The following UPF2 variants were observed in gnomAD, a reference collection of about 807,000 sequenced individuals.
UPF2 encodes UPF2 regulator of nonsense mediated mRNA decay.
A neutral mutation model predicts 141.4 loss-of-function variants in UPF2; 17 were observed. That is an observed-to-expected ratio of 0.12 (90% CI 0.08 to 0.18). UPF2 has a LOEUF of 0.18. Ranked by LOEUF, UPF2 falls within the 10% of genes least tolerant of loss-of-function variation. The pLI, the probability that UPF2 is intolerant of heterozygous loss-of-function variation, is 1.00. For synonymous variants in UPF2, 540 were observed against 498.0 expected, an observed-to-expected ratio of 1.08 and a Z score of -1.12; for missense variants, 1,152 against 1,515.9, an observed-to-expected ratio of 0.76 and a Z score of 3.99.
At chr10:11,928,294 G>A (rs931784448) in intron 21 of UPF2, among the ~76,000 whole-genome samples, 4 of 151,998 alleles carry the variant, frequency 2.6e-5, no homozygotes, top group Non-Finnish European at 5.9e-5. Context: ...CCAAGATCAC[G>A]CTGCTGCACT....
At chr10:12,006,626 G>A (rs1475106962) in intron 4 of UPF2, among the ~76,000 whole-genome samples, 1 of 152,106 alleles carries the variant, frequency 6.6e-6, no homozygotes, top group African/African-American at 2.4e-5. Context: ...TACAACTTCT[G>A]TTTAATGAAA....
chr10:11,946,308 T>C (rs775677214), intron 16 of UPF2, among the ~76,000 whole-genome samples: 1 of 152,352 alleles, frequency 6.6e-6, no homozygotes, highest in Non-Finnish European at 1.5e-5. Context: ...CATCTGACCG[T>C]AGAAAACTTT....
chr10:12,004,186 A>G (rs542813189), intron 5 of UPF2, among the ~76,000 whole-genome samples: 38 of 152,290 alleles, frequency 2.5e-4, no homozygotes, highest in African/African-American at 8.9e-4. Context: ...AGGGCAGTAC[A>G]GGTAATGAGC....
intron 10 of UPF2, 114 bp from the exon 11 acceptor site, chr10:11,964,239 G>T (rs1833283880): frequency 1.6e-6 from 1 of 635,822 alleles, no homozygotes; most frequent in Middle Eastern, 3.3e-4. Flanking sequence ...AAACAGAAGT[G>T]AGTCTACTTG....
rs371708708 is a variant in UPF2, at chr10:11,959,160, A to G, written c.2370+11T>C. On this transcript the variant is annotated intron_variant, in intron 12 of 21. Transcript: ENST00000357604. The surrounding 1 kb of genome is among the most constrained non-coding windows in gnomAD (Gnocchi z 5.9). ...CGTTAACTATTAACTGCATGATTTC[A>G]TAAGATTTACCTTCTCGGTGGTAAC... 42 of 1,566,310 alleles carry G rather than the reference A, an allele frequency of 2.7e-5. No homozygotes were observed. In the East Asian group the frequency reaches 4.5e-4, roughly 17 times the overall value.
chr10:12,013,108 G>C (rs1018338717), intron 4 of UPF2, among the ~76,000 whole-genome samples: 2 of 148,714 alleles, frequency 1.3e-5, no homozygotes, highest in Non-Finnish European at 3.0e-5. Context: ...CTGAGCGACA[G>C]AGCAAGACTC....
Position 11,975,242 on chromosome 10 carries a change from C to CAA in UPF2, c.1953+3814_1953+3815insTT, listed in dbSNP as rs1421833274. The stretch of plus-strand genomic sequence containing the variant: ...TGCCACTGCACTCCACCTTGGGTGA[C>CAA]AGAGTAAGATACCATCTCTTAAAAC... On this transcript the variant is annotated intron_variant, in intron 9 of 21. Transcript: ENST00000357604. Among the ~76,000 whole-genome samples, 2 of 152,100 alleles carry CAA rather than the reference C, an allele frequency of 1.3e-5. 1 individual carries two copies. Among genetic ancestry groups the CAA allele is most frequent in the Non-Finnish European group, 2.9e-5 (2 of 68,018 alleles).
At chr10:11,938,853 G>GTTTTTTTGT (rs1832890068) in intron 18 of UPF2, among the ~76,000 whole-genome samples, 1 of 79,816 alleles carries the variant, frequency 1.3e-5, no homozygotes, top group African/African-American at 5.0e-5. Flanking sequence ...TTTTTTTTTT[G>GTTTTTTTGT]TTTTTTTTTT....
intron 19 of UPF2, among the ~76,000 whole-genome samples, chr10:11,934,735 AC>A (rs2131157545): frequency 6.6e-6 from 1 of 152,212 alleles, no homozygotes; most frequent in African/African-American, 2.4e-5. Flanking sequence ...GATTACAGGC[AC>A]ACGCCACCAA....
chr10:11,938,853 G>T (rs140447717), intron 18 of UPF2, among the ~76,000 whole-genome samples: 12,864 of 77,632 alleles, frequency 0.17, 435 homozygotes, highest in Middle Eastern at 0.19. Flanking sequence ...TTTTTTTTTT[G>T]TTTTTTTTTT....
chr10:11,993,880 T>C (rs1347827538), intron 8 of UPF2, among the ~76,000 whole-genome samples: 1 of 152,108 alleles, frequency 6.6e-6, no homozygotes, highest in Non-Finnish European at 1.5e-5. Context: ...TCCCGGCTAC[T>C]TGCGAGGCTA....
rs181166120 is a variant in UPF2 at position 11,987,326 on chromosome 10, A to C, written c.1845-8161T>G. Among the ~76,000 whole-genome samples the C allele has an allele frequency of 3.5e-3, 533 of 152,354 alleles. 1 individual carries two copies. The highest frequency in any genetic ancestry group is 0.012 in the African/African-American group (510 of 41,580). On this transcript the variant is annotated intron_variant, in intron 8 of 21. Transcript: ENST00000357604. ...CATGGACCCTTGCACTTAAACTTTAAAAGTTGAAGACAAAAAAAGATATAA... is the reference window on the plus strand; with the variant it reads ...CATGGACCCTTGCACTTAAACTTTACAAGTTGAAGACAAAAAAAGATATAA...
chr10:11,954,643 AAT>A (rs1554775869), intron 14 of UPF2, among the ~76,000 whole-genome samples: 48 of 128,330 alleles, frequency 3.7e-4, no homozygotes, highest in East Asian at 8.5e-4. Context: ...CAAAAAAAAA[AAT>A]ATATATATAT....
In UPF2 at chr10:12,035,101, T is replaced by C; in HGVS notation, c.323A>G (p.Gln108Arg). Residue 108 changes from glutamine to arginine, a missense_variant, in exon 2 of 22, where the codon CAG becomes CGG. Around this residue, in one of 4 missense-constraint regions of UPF2, gnomAD observed 145 missense variants for 136.5 expected, o/e 1.06. Transcript: ENST00000357604. ...TTCTTCTTCTTGCTGACGTTTGGCC[T>C]GCTCTTCTTGCTTCTTTCTCTCTTC... The part of the protein sequence containing the change: ...QEEERKKQEE[Q>R]AKRQQEEEAA... 6.3e-7 allele frequency: 1 copy of C among 1,585,498 alleles called. No individual in the cohort carries two copies.
At position 11,940,566 on chromosome 10, in the gene UPF2, G is replaced by A. The variant is rs1311302234; in HGVS notation, c.3378+2099C>T. ...TTGGTCCCTTGTTTCCTGTCCCAGAGATTAGCCAGTGGCCCAATCTGGAAA... is the reference window on the plus strand; with the variant it reads ...TTGGTCCCTTGTTTCCTGTCCCAGAAATTAGCCAGTGGCCCAATCTGGAAA... On this transcript the variant is annotated intron_variant, in intron 18 of 21. Transcript: ENST00000357604. The surrounding 1 kb of genome is among the most constrained non-coding windows in gnomAD (Gnocchi z 4.2). Among the ~76,000 whole-genome samples the A allele has an allele frequency of 6.6e-6, 1 of 151,640 alleles. No individual in the cohort carries two copies. The highest frequency in any genetic ancestry group is 1.5e-5 in the Non-Finnish European group (1 of 68,040).
At chr10:12,022,317 CAGG>C (rs957038492) in intron 3 of UPF2, among the ~76,000 whole-genome samples, 2 of 150,980 alleles carry the variant, frequency 1.3e-5, no homozygotes, top group African/African-American at 4.9e-5. Flanking sequence ...GAGGCTGAGG[CAGG>C]AGAATTGCTT....
In UPF2 at chr10:12,014,892, G is replaced by A. The variant is rs1272890201; in HGVS notation, c.1146-708C>T. Among the ~76,000 whole-genome samples, 1 of 152,174 alleles carries A rather than the reference G, an allele frequency of 6.6e-6. No individual in the cohort carries two copies. The highest frequency in any genetic ancestry group is 1.5e-5 in the Non-Finnish European group (1 of 68,032). Reference sequence around the variant, plus strand: ...GTTATTTATCCAGGTAACAAATACTGAGAAGTCCACTCACTCAGGCCAGCC... The same window carrying A: ...GTTATTTATCCAGGTAACAAATACTAAGAAGTCCACTCACTCAGGCCAGCC... On this transcript the variant is annotated intron_variant, in intron 3 of 21. Coordinates refer to ENST00000357604, the MANE Select transcript of UPF2 (RefSeq NM_015542.4). This position sits in a 1 kb window ranked among gnomAD's most constrained non-coding sequence, Gnocchi z 5.0.
intron 4 of UPF2, among the ~76,000 whole-genome samples, chr10:12,008,760 T>C (rs1834080328): frequency 6.6e-6 from 1 of 151,604 alleles, no homozygotes; most frequent in African/African-American, 2.4e-5. Flanking sequence ...TGTTCCATGG[T>C]GGTTTGCTGC....
chr10:11,954,834 A>T (rs1440928091), intron 14 of UPF2, among the ~76,000 whole-genome samples: 3 of 150,472 alleles, frequency 2.0e-5, no homozygotes, highest in African/African-American at 4.9e-5. Flanking sequence ...AAAAAGAAAG[A>T]AACAAGAATT....
Sources: allele counts gnomAD v4.1 joint callset (sites outside exome capture counted in the v4.1 genomes callset), GRCh38; gene constraint gnomAD v4.1.1; regional missense constraint gnomAD v4.1.1; non-coding constraint Gnocchi (gnomAD v3.1); transcripts MANE v1.5; gene names NCBI Gene and HGNC (gene_info 2026-07-23, HGNC 2026-07-21).